DOP1B: variants seen among roughly 807,000 people sequenced by gnomAD.
DOP1B encodes DOP1 leucine zipper like protein B.
Under a neutral mutation model 233.5 loss-of-function variants are expected in DOP1B, and 174 were observed. The ratio of observed to expected loss-of-function variants is 0.75; its 90% CI spans 0.66 to 0.85. The LOEUF (loss-of-function observed/expected upper bound fraction) is 0.85, where lower values mean the gene tolerates loss of function less well. DOP1B is among the 40% of genes least tolerant of loss of function. The probability of loss-of-function intolerance (pLI) is 0.00; values close to 1 mark genes in which losing one functional copy is unlikely to be tolerated. For missense variants in DOP1B, 2,652 were observed against 2,846.6 expected, an observed-to-expected ratio of 0.93 and a Z score of 1.56; for synonymous variants, 1,190 against 1,185.6, an observed-to-expected ratio of 1.00 and a Z score of -0.08.
intron 2 of DOP1B, among the ~76,000 whole-genome samples, chr21:36,187,535 G>A (rs1203255810): frequency 6.6e-6 from 1 of 152,096 alleles, no homozygotes; most frequent in African/African-American, 2.4e-5. Flanking sequence ...AACCTCAGGT[G>A]ATCCGCCTTC....
At chr21:36,171,489 G>T (rs1479653264) in intron 2 of DOP1B, among the ~76,000 whole-genome samples, 4 of 152,142 alleles carry the variant, frequency 2.6e-5, no homozygotes, top group Non-Finnish European at 4.4e-5. Context: ...GGTCATTAGG[G>T]GGTGGCCCTA....
Position 36,164,355 on chromosome 21 carries a change from T to C in DOP1B, c.-26-353T>C, listed in dbSNP as rs957462142. On this transcript the variant is annotated intron_variant, in intron 1 of 36. Coordinates refer to ENST00000691173, the MANE Select transcript of DOP1B (RefSeq NM_001320714.2). ...ACATAAAAAGTTTAGAAATGCCATA[T>C]GATGGGAGGGGCTGTGCTCATTTAA... Among the ~76,000 whole-genome samples, 3 of 152,254 alleles carry C rather than the reference T, an allele frequency of 2.0e-5. No homozygotes were observed. The South Asian group carries it at 6.2e-4, about 32-fold the overall frequency.
intron 2 of DOP1B, among the ~76,000 whole-genome samples, chr21:36,185,440 T>G (rs1045521872): frequency 5.9e-5 from 9 of 152,194 alleles, no homozygotes; most frequent in Admixed American, 1.3e-4. Flanking sequence ...GTTTCCTTTG[T>G]GAGCCCCTAT....
intron 2 of DOP1B, among the ~76,000 whole-genome samples, chr21:36,198,388 C>A (rs1387732457): frequency 6.6e-6 from 1 of 151,156 alleles, no homozygotes; most frequent in African/African-American, 2.4e-5. Flanking sequence ...GAGATTGCGC[C>A]ACTGCATTCC....
chr21:36,217,509 C>A (rs924562046), intron 9 of DOP1B, among the ~76,000 whole-genome samples: 1 of 152,166 alleles, frequency 6.6e-6, no homozygotes, highest in Non-Finnish European at 1.5e-5. Context: ...TTTGTCAGCA[C>A]CCCCCGATGC....
At chr21:36,252,184 A>AAG (rs1312286041) in intron 22 of DOP1B, among the ~76,000 whole-genome samples, 1 of 152,036 alleles carries the variant, frequency 6.6e-6, no homozygotes, top group African/African-American at 2.4e-5. Flanking sequence ...CTAAAAAAAA[A>AAG]AAACTTTACC....
In DOP1B at chr21:36,239,790, C is replaced by G. The variant is rs1237960529; in HGVS notation, c.2902C>G (p.Leu968Val). Residue 968 changes from leucine to valine, a missense_variant, in exon 18 of 37, where the codon CTG becomes GTG. Leu to Val is a conservative substitution (Grantham distance 32). Transcript: ENST00000691173. The stretch of plus-strand genomic sequence containing the variant: ...GTCCTTGTTTGTCGTGCTGGACAGC[C>G]TGGCCTGCACGGATGGTGCCATCGG... ...DRSLFVVLDS[L>V]ACTDGAIGAA... is the part of the protein sequence containing the mutation. The G allele has an allele frequency of 3.9e-6, 6 of 1,551,814 alleles. No individual in the cohort carries two copies. The highest frequency in any genetic ancestry group is 5.2e-6 in the Non-Finnish European group (6 of 1,148,194).
At chr21:36,227,631 GT>G (rs2123536541) in intron 12 of DOP1B, 54 bp from the exon 13 acceptor site, 3 of 1,406,682 alleles carry the variant, frequency 2.1e-6, no homozygotes, top group Non-Finnish European at 2.8e-6. Flanking sequence ...GAGATGCATT[GT>G]TTTTCTGATT....
rs936958930 is a variant in DOP1B at position 36,293,220 on chromosome 21, A to C, written c.6646-100A>C. 5.1e-5 allele frequency: 62 copies of C among 1,214,346 alleles called. 1 individual carries two copies. The highest frequency in any genetic ancestry group is 2.3e-4 in the Middle Eastern group (1 of 4,372). The allele number at this position is 1,214,346 out of a possible 1,614,324, so 75.2% of individuals were successfully genotyped here. A position where few individuals can be genotyped will look rare whatever the true frequency, so the allele number is the denominator to read the frequency against. ...GACTCTGTCTCAAAAAAAAAAAAAA[A>C]GGACCTTATTTCTTAGGTTTTGCCA... On this transcript the variant is annotated intron_variant, in intron 36 of 36. Transcript: ENST00000691173.
chr21:36,221,877 G>GTT (rs1395486446), intron 10 of DOP1B, among the ~76,000 whole-genome samples: 2 of 152,060 alleles, frequency 1.3e-5, no homozygotes, highest in Non-Finnish European at 2.9e-5. Context: ...CGCACAGCCT[G>GTT]TTTGTTTGTT....
At chr21:36,180,813 G>A (rs1215877365) in intron 2 of DOP1B, among the ~76,000 whole-genome samples, 1 of 151,988 alleles carries the variant, frequency 6.6e-6, no homozygotes, top group South Asian at 2.1e-4. Context: ...CCCATGAGGC[G>A]GAGGTTGCAA....
rs773889925 is a variant in DOP1B, at chr21:36,245,959, T to C, written c.3979T>C (p.Tyr1327His). Residue 1327 changes from tyrosine to histidine, a missense_variant, in exon 19 of 37, where the codon TAC becomes CAC. Transcript: ENST00000691173. This position sits in a 1 kb window ranked among gnomAD's most constrained non-coding sequence, Gnocchi z 5.5. ...CTGCCTGAGCTTCCTGCGCTCCTAC[T>C]ACCCTTGCTATTTGAAGGTCTCGCA... ...YLCLSFLRSY[Y>H]PCYLKVSHRD... 3.7e-6 allele frequency: 6 copies of C among 1,613,980 alleles called. No individual in the cohort carries two copies. The East Asian group carries it at 6.7e-5, about 18-fold the overall frequency.
intron 16 of DOP1B, among the ~76,000 whole-genome samples, chr21:36,237,898 T>A (rs2066845359): frequency 6.6e-6 from 1 of 152,132 alleles, no homozygotes; most frequent in Non-Finnish European, 1.5e-5. Context: ...CCAGGTGCAG[T>A]GACTCACGCC....
chr21:36,173,485 C>T (rs1233001319), intron 2 of DOP1B, among the ~76,000 whole-genome samples: 3 of 151,296 alleles, frequency 2.0e-5, no homozygotes, highest in African/African-American at 2.4e-5. Context: ...GCAGCGGCCC[C>T]GTCTTGGCTC....
intron 24 of DOP1B, chr21:36,261,525 T>C (rs4174): frequency 0.049 from 48,654 of 985,398 alleles, 1,912 homozygotes; most frequent in East Asian, 0.33. Flanking sequence ...CCGCAGGTTT[T>C]TCCCCATGGA....
At chr21:36,199,336 C>T in intron 3 of DOP1B, 85 bp downstream of exon 3, 1 of 1,511,158 alleles carries the variant, frequency 6.6e-7, no homozygotes, top group Non-Finnish European at 8.9e-7. Flanking sequence ...GACAAACAGG[C>T]AAAATAAGCG....
intron 7 of DOP1B, 97 bp from the exon 8 acceptor site, chr21:36,213,984 G>A: frequency 1.9e-6 from 2 of 1,049,290 alleles, no homozygotes; most frequent in Non-Finnish European, 2.8e-6. Flanking sequence ...TCAGAAGAAT[G>A]ATATTTTTAA....
At chr21:36,169,940 T>G in intron 2 of DOP1B, 1 of 770,462 alleles carries the variant, frequency 1.3e-6, no homozygotes, top group South Asian at 1.3e-5. Flanking sequence ...ATAGGTGGTG[T>G]CTCCACAGTA....
intron 11 of DOP1B, 36 bp from the exon 12 acceptor site, chr21:36,225,529 C>T: frequency 1.2e-6 from 2 of 1,608,916 alleles, no homozygotes; most frequent in Non-Finnish European, 1.7e-6. Flanking sequence ...CCATGCCTGG[C>T]CAAAGAATGG....
Sources: allele counts gnomAD v4.1 joint callset (sites outside exome capture counted in the v4.1 genomes callset), GRCh38; gene constraint gnomAD v4.1.1; non-coding constraint Gnocchi (gnomAD v3.1); transcripts MANE v1.5; gene names NCBI Gene and HGNC (gene_info 2026-07-23, HGNC 2026-07-21).